Variants in MFHAS1 observed in about 807,000 individuals in gnomAD.
MFHAS1 encodes the protein malignant fibrous histiocytoma-amplified sequence 1.
A neutral mutation model predicts 70.4 loss-of-function variants in MFHAS1; 50 were observed. The ratio of observed to expected loss-of-function variants is 0.71; its 90% CI spans 0.57 to 0.90. MFHAS1 has a LOEUF of 0.90. Ranked by LOEUF, MFHAS1 falls within the 40% of genes least tolerant of loss-of-function variation. The pLI, the probability that MFHAS1 is intolerant of heterozygous loss-of-function variation, is 0.00. For synonymous variants in MFHAS1, 952 were observed against 620.0 expected, an observed-to-expected ratio of 1.54 and a Z score of -7.96; for missense variants, 1,795 against 1,347.6, an observed-to-expected ratio of 1.33 and a Z score of -5.20.
chr8:8,884,211 C>A (rs1162068088), intron 1 of MFHAS1, among the ~76,000 whole-genome samples: 1 of 152,024 alleles, frequency 6.6e-6, no homozygotes, highest in African/African-American at 2.4e-5. Flanking sequence ...TCAAATACTC[C>A]AAAGGCCTTT....
At chr8:8,843,919 A>G (rs189011876) in intron 1 of MFHAS1, among the ~76,000 whole-genome samples, 67 of 152,364 alleles carry the variant, frequency 4.4e-4, no homozygotes, top group African/African-American at 1.6e-3. Flanking sequence ...CCTAAAGAGG[A>G]CAAAATATTA....
chr8:8,846,167 C>T (rs190707079), intron 1 of MFHAS1, among the ~76,000 whole-genome samples: 292 of 148,160 alleles, frequency 2.0e-3, no homozygotes, highest in African/African-American at 6.9e-3. Context: ...GCAGGAGAAT[C>T]GCTCGAACCT....
At chr8:8,880,487 C>T (rs563105851) in intron 1 of MFHAS1, among the ~76,000 whole-genome samples, 2 of 152,268 alleles carry the variant, frequency 1.3e-5, no homozygotes, top group African/African-American at 4.8e-5. Flanking sequence ...CTCATTAAGC[C>T]ACATCACCCA....
At position 8,890,680 on chromosome 8, in the gene MFHAS1, C is replaced by T. The variant is rs1448955757; in HGVS notation, c.2379G>A (p.Leu793=). 1.9e-6 allele frequency: 3 copies of T among 1,613,404 alleles called. No individual in the cohort carries two copies. In the Admixed American group the frequency reaches 5.0e-5, roughly 27 times the overall value. The change falls in exon 1 of 3, where the codon CTG becomes CTA. Residue 793 remains leucine, a synonymous_variant. Coordinates refer to ENST00000276282, the MANE Select transcript of MFHAS1 (RefSeq NM_004225.3). ...CATGAGCTGGCAAGAGCCCATGCAA[C>T]AGAAAGCCCTCCACATACTGATGGA... ...TQLHQYVEGF[L]LHGLLPAHVI...
chr8:8,891,804 C>T lies in MFHAS1; in HGVS notation c.1255G>A (p.Ala419Thr), dbSNP rs762871662. The change falls in exon 1 of 3, where the codon GCT becomes ACT. Residue 419 changes from alanine (A) to threonine (T), a missense_variant. Transcript: ENST00000276282. The surrounding 1 kb of genome is among the most constrained non-coding windows in gnomAD (Gnocchi z 5.4). Reference sequence around the variant, plus strand: ...TGGCGCAGCAAAGTCTTTCCTGCAGCCTTATGCCCCATCAGGAGCAGCTTG... The same window carrying T: ...TGGCGCAGCAAAGTCTTTCCTGCAGTCTTATGCCCCATCAGGAGCAGCTTG... The part of the protein sequence containing the change: ...RLKLLLMGHK[A>T]AGKTLLRHCL... 1.2e-6 allele frequency: 2 copies of T among 1,613,240 alleles called. No individual in the cohort carries two copies. Among genetic ancestry groups the T allele is most frequent in the Non-Finnish European group, 1.7e-6 (2 of 1,179,998 alleles).
chr8:8,890,552 G>T lies in MFHAS1; in HGVS notation c.2507C>A (p.Pro836His), dbSNP rs139976609. The part of the protein sequence containing the change: ...KMGLCYCLNK[P>H]KGKPLNGSTA... ...GGACCCATTCAAAGGCTTGCCCTTG[G>T]GTTTATTGAGGCAGTAACAGAGTCC... Residue 836 changes from proline to histidine, a missense_variant, in exon 1 of 3, where the codon CCC becomes CAC. Transcript: ENST00000276282. 52 of 1,613,452 alleles carry T rather than the reference G, an allele frequency of 3.2e-5. No individual in the cohort carries two copies. In the African/African-American group the frequency reaches 5.6e-4, roughly 17 times the overall value.
intron 1 of MFHAS1, among the ~76,000 whole-genome samples, chr8:8,815,887 C>T (rs962002759): frequency 3.3e-5 from 5 of 152,168 alleles, no homozygotes; most frequent in Non-Finnish European, 5.9e-5. Context: ...TAGAAACTCC[C>T]TCATTTGAAG....
At chr8:8,786,400 T>C (rs984807234) in intron 2 of MFHAS1, among the ~76,000 whole-genome samples, 1 of 152,182 alleles carries the variant, frequency 6.6e-6, no homozygotes, top group Non-Finnish European at 1.5e-5. Flanking sequence ...ACGGAACTGT[T>C]TCCTTTCAAT....
intron 1 of MFHAS1, among the ~76,000 whole-genome samples, chr8:8,813,464 A>G (rs1806625179): frequency 6.6e-6 from 1 of 152,192 alleles, no homozygotes; most frequent in Non-Finnish European, 1.5e-5. Flanking sequence ...GTCCCTGAAG[A>G]TCTTCCAGTG....
At chr8:8,800,274 A>G (rs968707234) in intron 1 of MFHAS1, among the ~76,000 whole-genome samples, 8 of 152,274 alleles carry the variant, frequency 5.3e-5, no homozygotes, top group Admixed American at 1.3e-4. Flanking sequence ...TTAATTTAGC[A>G]TCATTAGCTT....
At chr8:8,877,128 T>C (rs774813241) in intron 1 of MFHAS1, among the ~76,000 whole-genome samples, 27 of 151,814 alleles carry the variant, frequency 1.8e-4, no homozygotes, top group Non-Finnish European at 2.8e-4. Context: ...GGCAAAATCC[T>C]GTCTCTATAA....
intron 1 of MFHAS1, among the ~76,000 whole-genome samples, chr8:8,861,320 T>C (rs1344244031): frequency 6.6e-6 from 1 of 152,242 alleles, no homozygotes; most frequent in African/African-American, 2.4e-5. Flanking sequence ...TTATGCCACG[T>C]GAAATTGCTG....
intron 2 of MFHAS1, among the ~76,000 whole-genome samples, chr8:8,791,828 C>G (rs1805728685): frequency 1.3e-5 from 2 of 152,294 alleles, no homozygotes; most frequent in East Asian, 1.9e-4. Flanking sequence ...GCTCTCCAAG[C>G]AGCTCCAGCT....
intron 1 of MFHAS1, among the ~76,000 whole-genome samples, chr8:8,878,113 T>G (rs1293851538): frequency 6.6e-6 from 1 of 152,128 alleles, no homozygotes; most frequent in Non-Finnish European, 1.5e-5. Flanking sequence ...CTCCCCACCT[T>G]ACCTCCACCT....
At chr8:8,863,152 T>C (rs1051884170) in intron 1 of MFHAS1, among the ~76,000 whole-genome samples, 2 of 152,250 alleles carry the variant, frequency 1.3e-5, no homozygotes, top group African/African-American at 4.8e-5. Flanking sequence ...ATTGGGCATG[T>C]ATGTGTGGGT....
At chr8:8,824,558 C>T (rs1015908041) in intron 1 of MFHAS1, among the ~76,000 whole-genome samples, 8 of 106,556 alleles carry the variant, frequency 7.5e-5, no homozygotes, top group African/African-American at 1.5e-4. Context: ...CACACACACA[C>T]ACACACACAC....
At chr8:8,811,473 T>G (rs1326647784) in intron 1 of MFHAS1, among the ~76,000 whole-genome samples, 1 of 152,180 alleles carries the variant, frequency 6.6e-6, no homozygotes. Context: ...AGATGAGGTC[T>G]CGCCATGTTG....
intron 1 of MFHAS1, among the ~76,000 whole-genome samples, chr8:8,803,998 G>A (rs1398827524): frequency 6.6e-6 from 1 of 152,032 alleles, no homozygotes; most frequent in Non-Finnish European, 1.5e-5. Flanking sequence ...ATAAAATAAA[G>A]CATCCGGGAG....
At chr8:8,883,735 A>T (rs1187464202) in intron 1 of MFHAS1, among the ~76,000 whole-genome samples, 1 of 150,844 alleles carries the variant, frequency 6.6e-6, no homozygotes. Context: ...AAAAAAAGAA[A>T]GGGCTCCCAT....
Sources: gnomAD v4.1 joint callset for allele counts (sites outside exome capture counted in the v4.1 genomes callset) on GRCh38, gnomAD v4.1.1 for gene constraint, Gnocchi (gnomAD v3.1) non-coding constraint, MANE v1.5 for transcripts, NCBI Gene and HGNC (gene_info 2026-07-23, HGNC 2026-07-21) for gene names.